Variants in SCN2A observed in about 807,000 individuals in gnomAD.
SCN2A encodes the protein sodium voltage-gated channel alpha subunit 2.
Under a neutral mutation model 188.7 loss-of-function variants are expected in SCN2A, and 20 were observed. That is an observed-to-expected ratio of 0.11 (90% CI 0.07 to 0.15). The LOEUF (loss-of-function observed/expected upper bound fraction) is 0.15, where lower values mean the gene tolerates loss of function less well. Ranked by LOEUF, SCN2A falls within the 10% of genes least tolerant of loss-of-function variation. The pLI is 1.00. For missense variants in SCN2A, 1,278 were observed against 2,445.0 expected (o/e 0.52, Z 10.07); for synonymous variants, 804 against 833.1 (o/e 0.97, Z 0.60).
rs540104072 is a variant in SCN2A, at chr2:165,369,507, G to T, written c.3676-619G>T. ...CTTTGTCTTTAATCCAGGCTGCCAGGTTTTCCTGATAATTTTTCCGATAAG... is the reference window on the plus strand; with the variant it reads ...CTTTGTCTTTAATCCAGGCTGCCAGTTTTTCCTGATAATTTTTCCGATAAG... On this transcript the variant is annotated intron_variant, in intron 19 of 26. Transcript: ENST00000375437. 1.4e-3 allele frequency among the ~76,000 whole-genome samples: 208 copies of T among 152,280 alleles called. 4 individuals are homozygous for T. The highest frequency in any genetic ancestry group is 1.5e-5 in the Non-Finnish European group (1 of 68,028).
chr2:165,263,263 ATTG>A, intron 1 of SCN2A, among the ~76,000 whole-genome samples: 1 of 152,078 alleles, frequency 6.6e-6, no homozygotes, highest in Admixed American at 6.5e-5. Context: ...TCATCTATTT[ATTG>A]TTGTTTTTGT....
At chr2:165,247,262 T>G (rs1007133732) in intron 1 of SCN2A, among the ~76,000 whole-genome samples, 1 of 152,224 alleles carries the variant, frequency 6.6e-6, no homozygotes, top group African/African-American at 2.4e-5. Context: ...TATTTGAATT[T>G]TTTTACTTCC....
intron 1 of SCN2A, among the ~76,000 whole-genome samples, chr2:165,279,825 C>A (rs572802453): frequency 6.6e-6 from 1 of 152,098 alleles, no homozygotes; most frequent in Admixed American, 6.5e-5. Flanking sequence ...TGAATTCCCA[C>A]GTGTTGTGAG....
At chr2:165,293,099 A>G (rs948152158) in intron 1 of SCN2A, among the ~76,000 whole-genome samples, 1 of 152,204 alleles carries the variant, frequency 6.6e-6, no homozygotes, top group African/African-American at 2.4e-5. Flanking sequence ...CCATCTCTTT[A>G]TTGAATTAGC....
At chr2:165,352,106 A>G (rs2105333244) in intron 16 of SCN2A, among the ~76,000 whole-genome samples, 1 of 152,282 alleles carries the variant, frequency 6.6e-6, no homozygotes, top group East Asian at 1.9e-4. Flanking sequence ...ACTTTAATAT[A>G]CTTTAGGAAA....
chr2:165,373,385 T>C (rs767485819), intron 21 of SCN2A, 38 bp downstream of exon 21: 11 of 1,610,496 alleles, frequency 6.8e-6, no homozygotes, highest in Non-Finnish European at 6.8e-6. Flanking sequence ...AGAATTATTA[T>C]TGAGAGCAGA....
At chr2:165,387,867 A>G (rs944552231) in intron 26 of SCN2A, among the ~76,000 whole-genome samples, 1 of 152,126 alleles carries the variant, frequency 6.6e-6, no homozygotes, top group East Asian at 1.9e-4. Flanking sequence ...ATGAGGTAGC[A>G]TTAAGAGGTA....
chr2:165,374,349 T>C (rs1701200862), intron 21 of SCN2A, among the ~76,000 whole-genome samples: 1 of 152,098 alleles, frequency 6.6e-6, no homozygotes. Context: ...GTTTGTATGA[T>C]TTTTTGAAAG....
In SCN2A at chr2:165,377,774, T is replaced by A. The variant is rs984273061; in HGVS notation, c.4308+124T>A. The A allele has an allele frequency of 5.6e-6, 4 of 708,178 alleles. No individual in the cohort carries two copies. The African/African-American group carries it at 7.3e-5, about 13-fold the overall frequency. The allele number at this position is 708,178 out of a possible 1,614,324, so 43.9% of individuals were successfully genotyped here. A position where few individuals can be genotyped will look rare whatever the true frequency, so the allele number is the denominator to read the frequency against. On this transcript the variant is annotated intron_variant, in intron 23 of 26. Transcript: ENST00000375437. ...TAATTTATAAAACCCATCTATATTATAAGGATAAAATATTTAATCATACTA... is the reference window on the plus strand; with the variant it reads ...TAATTTATAAAACCCATCTATATTAAAAGGATAAAATATTTAATCATACTA...
chr2:165,312,331 T>C (rs1697478905), intron 8 of SCN2A, among the ~76,000 whole-genome samples: 1 of 152,152 alleles, frequency 6.6e-6, no homozygotes, highest in Non-Finnish European at 1.5e-5. Context: ...CAATGTAAAA[T>C]AGAGAATAAA....
At chr2:165,292,030 G>C (rs1253490134) in intron 1 of SCN2A, among the ~76,000 whole-genome samples, 1 of 152,072 alleles carries the variant, frequency 6.6e-6, no homozygotes, top group East Asian at 1.9e-4. Flanking sequence ...CTGTAGGGAA[G>C]CTACGGCTAA....
Position 165,251,949 on chromosome 2 carries a change from A to G in SCN2A, c.-52+12309A>G, listed in dbSNP as rs74880183. The stretch of plus-strand genomic sequence containing the variant: ...ACTATTATGACTAAATTTAAAATAT[A>G]AGGCTACTGAAGAACATAGATTTTA... On this transcript the variant is annotated intron_variant, in intron 1 of 26. Coordinates refer to ENST00000375437, the MANE Select transcript of SCN2A (RefSeq NM_001040142.2). 9.8e-3 allele frequency among the ~76,000 whole-genome samples: 1,498 copies of G among 152,212 alleles called. 27 individuals carry two copies. The highest frequency in any genetic ancestry group is 0.063 in the East Asian group (324 of 5,168).
At chr2:165,279,163 T>C (rs1695477798) in intron 1 of SCN2A, among the ~76,000 whole-genome samples, 1 of 152,114 alleles carries the variant, frequency 6.6e-6, no homozygotes, top group Non-Finnish European at 1.5e-5. Flanking sequence ...TCAAAACCCA[T>C]ACTCTTTCCC....
intron 22 of SCN2A, among the ~76,000 whole-genome samples, chr2:165,376,490 C>T (rs947469783): frequency 2.6e-5 from 4 of 152,094 alleles, no homozygotes; most frequent in African/African-American, 9.6e-5. Context: ...TTAGGCCCAT[C>T]TGCCTAGATT....
At chr2:165,272,532 A>G (rs1047935375) in intron 1 of SCN2A, 2 of 152,068 alleles carry the variant, frequency 1.3e-5, no homozygotes, top group Non-Finnish European at 2.9e-5. Flanking sequence ...ACATTTATAG[A>G]ATATTATACC....
chr2:165,386,041 A>G, intron 25 of SCN2A, among the ~76,000 whole-genome samples: 2 of 152,334 alleles, frequency 1.3e-5, no homozygotes, highest in East Asian at 3.9e-4. Flanking sequence ...AGTTGAATAT[A>G]CAATATACAA....
At chr2:165,306,518 G>T (rs774720227) in intron 3 of SCN2A, among the ~76,000 whole-genome samples, 3 of 39,230 alleles carry the variant, frequency 7.6e-5, no homozygotes, top group African/African-American at 2.2e-4. Context: ...GTGTGTGTGT[G>T]TGTGTGTGTG....
chr2:165,299,523 G>A (rs3769929), intron 3 of SCN2A, among the ~76,000 whole-genome samples: 35,769 of 152,170 alleles, frequency 0.24, 4,505 homozygotes, highest in East Asian at 0.36. Flanking sequence ...TATTTCAGAT[G>A]TCTCACCTTG....
chr2:165,301,248 G>GT (rs941522522), intron 3 of SCN2A, among the ~76,000 whole-genome samples: 19 of 152,252 alleles, frequency 1.2e-4, no homozygotes, highest in African/African-American at 4.1e-4. Context: ...GAGTTGAGGA[G>GT]TTAGGTGGCT....
Sources: allele counts gnomAD v4.1 joint callset (sites outside exome capture counted in the v4.1 genomes callset), GRCh38; gene constraint gnomAD v4.1.1; transcripts MANE v1.5; gene names NCBI Gene and HGNC (gene_info 2026-07-23, HGNC 2026-07-21).